Variants in FBXW7 observed in about 807,000 individuals in gnomAD.
FBXW7 encodes F-box/WD repeat-containing protein 7.
Under a neutral mutation model 86.3 loss-of-function variants are expected in FBXW7, and 11 were observed. That is an observed-to-expected ratio of 0.13 (90% CI 0.08 to 0.21). The LOEUF is 0.21. Ranked by LOEUF, FBXW7 falls within the 10% of genes least tolerant of loss-of-function variation. The probability of loss-of-function intolerance (pLI) is 1.00; values close to 1 mark genes in which losing one functional copy is unlikely to be tolerated. For synonymous variants in FBXW7, 313 were observed against 297.9 expected (o/e 1.05, Z -0.52); for missense variants, 488 against 847.4 (o/e 0.58, Z 5.27).
intron 2 of FBXW7, among the ~76,000 whole-genome samples, chr4:152,439,594 G>A (rs984961889): frequency 1.3e-5 from 2 of 151,952 alleles, no homozygotes; most frequent in African/African-American, 2.4e-5. Flanking sequence ...AGAAGTCCAC[G>A]GTGGCTCAGG....
rs1386025946 is a variant in FBXW7, at chr4:152,417,293, G to GAGCC, written c.-119-4768_-119-4765dup. ...TACGTAAGGCCCAAATTTGTTCTTA[G>GAGCC]AGCCTCCTATTATTTTCTCTATTTC... On this transcript the variant is annotated intron_variant, in intron 2 of 13. Coordinates refer to ENST00000281708, the MANE Select transcript of FBXW7 (RefSeq NM_001349798.2). Among the ~76,000 whole-genome samples the GAGCC allele has an allele frequency of 2.6e-5, 4 of 152,184 alleles. No individual in the cohort carries two copies. The East Asian group carries it at 7.7e-4, about 29-fold the overall frequency.
chr4:152,434,096 T>C (rs1273615933), intron 2 of FBXW7, among the ~76,000 whole-genome samples: 2 of 152,166 alleles, frequency 1.3e-5, no homozygotes, highest in East Asian at 1.9e-4. Flanking sequence ...ACTTTGCATA[T>C]ATGTTGGTTC....
chr4:152,336,378 T>A (rs908865633), intron 7 of FBXW7, among the ~76,000 whole-genome samples: 2 of 152,200 alleles, frequency 1.3e-5, no homozygotes, highest in South Asian at 4.1e-4. Flanking sequence ...TAAGAAGTTA[T>A]GGAAATTCAA....
chr4:152,438,318 T>C (rs1402867968), intron 2 of FBXW7, among the ~76,000 whole-genome samples: 1 of 152,224 alleles, frequency 6.6e-6, no homozygotes, highest in Non-Finnish European at 1.5e-5. Flanking sequence ...TGACTAACTT[T>C]ATTATGATAT....
intron 2 of FBXW7, among the ~76,000 whole-genome samples, chr4:152,494,491 G>C (rs937010319): frequency 2.0e-5 from 3 of 152,270 alleles, no homozygotes; most frequent in Non-Finnish European, 2.9e-5. Context: ...AATGTCCTTT[G>C]AGGTAACTTT....
intron 6 of FBXW7, among the ~76,000 whole-genome samples, chr4:152,346,345 G>A (rs1047328504): frequency 1.3e-5 from 2 of 152,132 alleles, no homozygotes; most frequent in Non-Finnish European, 2.9e-5. Context: ...TACAAGCAAT[G>A]CAGTTTAGAA....
At chr4:152,466,592 G>A (rs564084889) in intron 2 of FBXW7, among the ~76,000 whole-genome samples, 82 of 151,688 alleles carry the variant, frequency 5.4e-4, no homozygotes, top group Middle Eastern at 3.4e-3. Flanking sequence ...ACTTAATAGA[G>A]GAAAAACTTA....
intron 4 of FBXW7, among the ~76,000 whole-genome samples, chr4:152,383,971 G>A (rs911652751): frequency 3.3e-5 from 5 of 152,100 alleles, no homozygotes; most frequent in African/African-American, 9.7e-5. Context: ...GCCACAATGC[G>A]CTACCACTTC....
chr4:152,382,608 C>A lies in FBXW7; in HGVS notation c.501+28695G>T, dbSNP rs568188253. On this transcript the variant is annotated intron_variant, in intron 4 of 13. Coordinates refer to ENST00000281708, the MANE Select transcript of FBXW7 (RefSeq NM_001349798.2). ...TCCTGCCAGTCAAACAGCTGGTGAA[C>A]CTCTCATACAAAGTCAGTAATGTGA... 6 of 510,032 alleles carry A rather than the reference C, an allele frequency of 1.2e-5. No homozygotes were observed. In the African/African-American group the frequency reaches 1.2e-4, roughly 10 times the overall value. The allele number at this position is 510,032 out of a possible 1,614,324, so 31.6% of individuals were successfully genotyped here.
chr4:152,334,871 T>G (rs1356636284), intron 7 of FBXW7, among the ~76,000 whole-genome samples: 1 of 152,090 alleles, frequency 6.6e-6, no homozygotes, highest in Non-Finnish European at 1.5e-5. Flanking sequence ...TCTAGCCAGT[T>G]CCATCAAAAC....
In FBXW7 at chr4:152,411,777, G is replaced by A; in HGVS notation, c.27C>T (p.Gly9=). 1 of 1,612,474 alleles carries A rather than the reference G, an allele frequency of 6.2e-7. No individual in the cohort carries two copies. Among genetic ancestry groups the A allele is most frequent in the Non-Finnish European group, 8.5e-7 (1 of 1,179,252 alleles). The change falls in exon 4 of 14, where the codon GGC becomes GGT. Residue 9 remains glycine (G), a synonymous_variant. Transcript: ENST00000281708. ...AGCCTCCAGTTCGTCGTCTTTTGCTGCCCACAGAGAGCAGTTCCTGATTCA... is the reference window on the plus strand; with the variant it reads ...AGCCTCCAGTTCGTCGTCTTTTGCTACCCACAGAGAGCAGTTCCTGATTCA... The part of the protein sequence containing the change: MNQELLSV[G]SKRRRTGGSL...
intron 4 of FBXW7, among the ~76,000 whole-genome samples, chr4:152,386,044 CAT>C (rs1303494180): frequency 6.6e-6 from 1 of 151,884 alleles, no homozygotes; most frequent in Admixed American, 6.6e-5. Context: ...TGAGGGAAAT[CAT>C]AGACAAGGTA....
intron 7 of FBXW7, among the ~76,000 whole-genome samples, chr4:152,333,421 T>C (rs1729759029): frequency 6.6e-6 from 1 of 151,864 alleles, no homozygotes; most frequent in East Asian, 1.9e-4. Context: ...ATAATACTTA[T>C]AAACTATTGA....
At chr4:152,404,857 C>A (rs1029621350) in intron 4 of FBXW7, among the ~76,000 whole-genome samples, 3 of 151,968 alleles carry the variant, frequency 2.0e-5, no homozygotes, top group African/African-American at 7.2e-5. Flanking sequence ...CTTTGGGAGG[C>A]CCAGGCAGGA....
chr4:152,437,378 CAAAAAA>C (rs752037515), intron 2 of FBXW7, among the ~76,000 whole-genome samples: 2 of 127,648 alleles, frequency 1.6e-5, no homozygotes, highest in Non-Finnish European at 3.4e-5. Flanking sequence ...GACTCCATCT[CAAAAAA>C]AAAAAAAATT....
intron 4 of FBXW7, among the ~76,000 whole-genome samples, chr4:152,386,583 T>A (rs1397470103): frequency 6.6e-6 from 1 of 152,076 alleles, no homozygotes; most frequent in African/African-American, 2.4e-5. Flanking sequence ...GAAAAGAATA[T>A]TTTAAAACAT....
chr4:152,438,748 C>T (rs1476764079), intron 2 of FBXW7, among the ~76,000 whole-genome samples: 2 of 152,122 alleles, frequency 1.3e-5, no homozygotes, highest in Non-Finnish European at 1.5e-5. Context: ...TACTGGTAAA[C>T]CTACTCCATC....
intron 2 of FBXW7, among the ~76,000 whole-genome samples, chr4:152,513,879 A>G (rs1182976307): frequency 6.6e-6 from 1 of 152,266 alleles, no homozygotes; most frequent in African/African-American, 2.4e-5. Flanking sequence ...TTCATAATCT[A>G]CATCTACACT....
chr4:152,455,549 A>G (rs1462895370), intron 2 of FBXW7, among the ~76,000 whole-genome samples: 4 of 152,182 alleles, frequency 2.6e-5, no homozygotes, highest in South Asian at 2.1e-4. Flanking sequence ...TGTACATTCA[A>G]GATAATCTAG....
Sources: gnomAD v4.1 joint callset for allele counts (sites outside exome capture counted in the v4.1 genomes callset) on GRCh38, gnomAD v4.1.1 for gene constraint, MANE v1.5 for transcripts, NCBI Gene and HGNC (gene_info 2026-07-23, HGNC 2026-07-21) for gene names.